ESYT3: variants seen among roughly 807,000 people sequenced by gnomAD.
ESYT3 encodes the protein extended synaptotagmin 3.
A neutral mutation model predicts 111.5 loss-of-function variants in ESYT3; 101 were observed. The observed-to-expected ratio is 0.91, with a 90% CI of 0.77 to 1.07. The LOEUF (loss-of-function observed/expected upper bound fraction) is 1.07, where lower values mean the gene tolerates loss of function less well. Among genes scored for constraint, ESYT3 ranks in the 50% least tolerant of loss-of-function variants. The probability of loss-of-function intolerance (pLI) is 0.00; values close to 1 mark genes in which losing one functional copy is unlikely to be tolerated. For synonymous variants in ESYT3, 416 were observed against 446.8 expected (o/e 0.93, Z 0.87); for missense variants, 1,097 against 1,109.4 (o/e 0.99, Z 0.16).
At chr3:138,452,148 G>C in intron 2 of ESYT3, 59 bp downstream of exon 2, 1 of 1,559,356 alleles carries the variant, frequency 6.4e-7, no homozygotes, top group South Asian at 1.1e-5. Flanking sequence ...TCCTCCCCGC[G>C]GCTGTCACCC....
chr3:138,470,436 C>T (rs938464167), intron 16 of ESYT3: 66 of 1,133,400 alleles, frequency 5.8e-5, no homozygotes, highest in South Asian at 9.4e-5. Context: ...CTACACAGGA[C>T]ATTAATAATG....
chr3:138,470,491 T>A (rs2033163748), intron 16 of ESYT3: 1 of 1,107,928 alleles, frequency 9.0e-7, no homozygotes, highest in Non-Finnish European at 1.1e-6. Flanking sequence ...TCACAAAAGA[T>A]CTGTAGAGTA....
chr3:138,480,676 A>G (rs530005335), downstream of ESYT3: 1 of 152,374 alleles, frequency 6.6e-6, no homozygotes, highest in African/African-American at 2.4e-5. Flanking sequence ...ATGGAGAGCT[A>G]TGCCACGTTT....
chr3:138,451,566 G>A (rs1275581105), intron 1 of ESYT3, among the ~76,000 whole-genome samples: 1 of 152,200 alleles, frequency 6.6e-6, no homozygotes, highest in Non-Finnish European at 1.5e-5. Context: ...TTCCAGGTTG[G>A]GGGTCCTGTG....
intron 14 of ESYT3, 107 bp downstream of exon 14, chr3:138,468,988 C>A: frequency 8.4e-7 from 1 of 1,190,622 alleles, no homozygotes; most frequent in Non-Finnish European, 1.3e-6. Context: ...GCACACACAG[C>A]CTGGGGATAA....
intron 1 of ESYT3, among the ~76,000 whole-genome samples, chr3:138,448,999 C>T (rs1429065886): frequency 6.6e-6 from 1 of 151,946 alleles, no homozygotes; most frequent in African/African-American, 2.4e-5. Flanking sequence ...GCCTCAAATA[C>T]AGGTGTGGGC....
chr3:138,472,975 C>T (rs751439638), intron 18 of ESYT3, 116 bp downstream of exon 18: 2 of 1,515,756 alleles, frequency 1.3e-6, no homozygotes, highest in Non-Finnish European at 1.8e-6. Context: ...CACAAAATAT[C>T]TTCCTAAGAG....
intron 4 of ESYT3, 24 bp from the exon 5 acceptor site, chr3:138,459,163 T>C (rs1435028059): frequency 6.7e-7 from 1 of 1,486,966 alleles, no homozygotes. Context: ...CCTCCCCACC[T>C]TCCTTTTCCA....
chr3:138,457,163 C>T (rs1308316223), intron 3 of ESYT3, among the ~76,000 whole-genome samples: 1 of 152,234 alleles, frequency 6.6e-6, no homozygotes, highest in Non-Finnish European at 1.5e-5. Flanking sequence ...CATAAGCATT[C>T]ATTCACCCCT....
In ESYT3 at chr3:138,459,175, C is replaced by A; in HGVS notation, c.582-12C>A. 6.7e-7 allele frequency: 1 copy of A among 1,493,396 alleles called. No individual in the cohort carries two copies. Among genetic ancestry groups the A allele is most frequent in the South Asian group, 1.4e-5 (1 of 72,998 alleles). 92.5% of individuals were successfully genotyped at this position (1,493,396 alleles called of 1,614,324 possible). A position where few individuals can be genotyped will look rare whatever the true frequency, so the allele number is the denominator to read the frequency against. On this transcript the variant is annotated splice_polypyrimidine_tract_variant and intron_variant, in intron 4 of 22. Coordinates refer to ENST00000389567, the MANE Select transcript of ESYT3 (RefSeq NM_031913.5). ...CCTCCTCCCCACCTTCCTTTTCCAC[C>A]CCCCATTTCAGCTACATCGGGGACT... is the stretch of plus-strand genomic sequence containing the variant.
At position 138,444,667 on chromosome 3, in the gene ESYT3, A is replaced by G. The variant is rs1042351141; in HGVS notation, c.328-7381A>G. Among the ~76,000 whole-genome samples, 6 of 152,210 alleles carry G rather than the reference A, an allele frequency of 3.9e-5. No individual in the cohort carries two copies. In the East Asian group the frequency reaches 1.2e-3, roughly 29 times the overall value. The stretch of plus-strand genomic sequence containing the variant: ...TTCCTCCTGCCTGGCTACAGAAAGC[A>G]GGTATGAGATGGGGGTGGCTCACCT... On this transcript the variant is annotated intron_variant, in intron 1 of 22. Transcript: ENST00000389567.
Position 138,479,835 on chromosome 3 carries a change from G to A in ESYT3, c.*2981G>A, listed in dbSNP as rs938910944. Reference sequence around the variant, plus strand: ...CACTCTCCCTTACCCCTGGGGGTAAGGATCTGCATCCTGAAGTTGATATTC... The same window carrying A: ...CACTCTCCCTTACCCCTGGGGGTAAAGATCTGCATCCTGAAGTTGATATTC... On this transcript the variant is annotated 3_prime_UTR_variant, in exon 23 of 23. Coordinates refer to ENST00000389567, the MANE Select transcript of ESYT3 (RefSeq NM_031913.5). 1 of 152,148 alleles carries A rather than the reference G, an allele frequency of 6.6e-6. No individual in the cohort carries two copies. Among genetic ancestry groups the A allele is most frequent in the Non-Finnish European group, 1.5e-5 (1 of 68,022 alleles). The allele number at this position is 152,148 out of a possible 1,614,324, so 9.4% of individuals were successfully genotyped here. A position where few individuals can be genotyped will look rare whatever the true frequency, so the allele number is the denominator to read the frequency against.
intron 1 of ESYT3, among the ~76,000 whole-genome samples, chr3:138,438,796 T>C (rs866236615): frequency 6.6e-6 from 1 of 152,330 alleles, no homozygotes; most frequent in Middle Eastern, 3.4e-3. Context: ...ATGGGAGATA[T>C]AGCTGGAAGG....
intron 7 of ESYT3, 31 bp downstream of exon 7, chr3:138,460,697 C>T: frequency 1.2e-6 from 2 of 1,613,120 alleles, no homozygotes; most frequent in Non-Finnish European, 1.7e-6. Context: ...CGAGGGAGAT[C>T]ATAAGTTTGG....
At chr3:138,459,866 C>G in intron 5 of ESYT3, 79 bp from the exon 6 acceptor site, 1 of 1,254,054 alleles carries the variant, frequency 8.0e-7, no homozygotes, top group Non-Finnish European at 1.1e-6. Flanking sequence ...AATGAGGCAG[C>G]AGATGGCCTC....
At chr3:138,473,699 G>A in intron 19 of ESYT3, 65 bp downstream of exon 19, 1 of 1,371,430 alleles carries the variant, frequency 7.3e-7, no homozygotes, top group Non-Finnish European at 1.0e-6. Context: ...TCAGAGTAGG[G>A]ACACTCAGAG....
intron 2 of ESYT3, among the ~76,000 whole-genome samples, chr3:138,454,166 A>G (rs1664263461): frequency 1.3e-5 from 2 of 152,132 alleles, no homozygotes; most frequent in Admixed American, 1.3e-4. Context: ...GAAATCACCT[A>G]AGCCTGGGAG....
Position 138,435,891 on chromosome 3 carries a change from A to C in ESYT3, c.327+766A>C, listed in dbSNP as rs2030640870. 6.6e-6 allele frequency among the ~76,000 whole-genome samples: 1 copy of C among 152,166 alleles called. No individual in the cohort carries two copies. The highest frequency in any genetic ancestry group is 6.5e-5 in the Admixed American group (1 of 15,278). On this transcript the variant is annotated intron_variant, in intron 1 of 22. Coordinates refer to ENST00000389567, the MANE Select transcript of ESYT3 (RefSeq NM_031913.5). The surrounding 1 kb of genome is among the most constrained non-coding windows in gnomAD (Gnocchi z 4.8). ...TCTTATGATTAGGTGAGCTTGGGAA[A>C]CACCGGCAAGAGGGGTGTTCCGTCC...
chr3:138,434,866 C>T lies in ESYT3; in HGVS notation c.68C>T (p.Pro23Leu), dbSNP rs771406748. 1.8e-5 allele frequency: 28 copies of T among 1,549,690 alleles called. 1 individual carries two copies. The South Asian group carries it at 3.2e-4, about 18-fold the overall frequency. ...SALGAQRTPGPELRLSSQLLP... is the reference protein window; with the variant it reads ...SALGAQRTPGLELRLSSQLLP... ...CTGGGAGCCCAGCGCACGCCGGGCC[C>T]CGAGCTGCGCCTGTCCAGCCAGCTG... Residue 23 changes from proline (P) to leucine (L), a missense_variant, in exon 1 of 23, where the codon CCC (proline) becomes CTC (leucine). Coordinates refer to ENST00000389567, the MANE Select transcript of ESYT3 (RefSeq NM_031913.5).
Sources: gnomAD v4.1 joint callset for allele counts (sites outside exome capture counted in the v4.1 genomes callset) on GRCh38, gnomAD v4.1.1 for gene constraint, Gnocchi (gnomAD v3.1) non-coding constraint, MANE v1.5 for transcripts, NCBI Gene and HGNC (gene_info 2026-07-23, HGNC 2026-07-21) for gene names.